MYO1E: variants seen among roughly 807,000 people sequenced by gnomAD.
MYO1E encodes the protein unconventional myosin-Ie.
In MYO1E, 68 loss-of-function variants were observed where a neutral mutation model predicts 151.1. That is an observed-to-expected ratio of 0.45 (90% CI 0.37 to 0.55). MYO1E has a LOEUF of 0.55. Ranked by LOEUF, MYO1E falls within the 20% of genes least tolerant of loss-of-function variation. The probability of loss-of-function intolerance (pLI) is 0.00; values close to 1 mark genes in which losing one functional copy is unlikely to be tolerated. For missense variants in MYO1E, 1,363 were observed against 1,389.3 expected, an observed-to-expected ratio of 0.98 and a Z score of 0.30; for synonymous variants, 601 against 501.7, an observed-to-expected ratio of 1.20 and a Z score of -2.64.
In MYO1E at chr15:59,203,166, G is replaced by T. The variant is rs993581137; in HGVS notation, c.1617-759C>A. On this transcript the variant is annotated intron_variant, in intron 15 of 27. Coordinates refer to ENST00000288235, the MANE Select transcript of MYO1E (RefSeq NM_004998.4). ...GAGTTTCTGAGTCTGGGCACCATTGGTATCTGCGGCTGAATAATTCTTTGT... is the reference window on the plus strand; with the variant it reads ...GAGTTTCTGAGTCTGGGCACCATTGTTATCTGCGGCTGAATAATTCTTTGT... 2.6e-5 allele frequency among the ~76,000 whole-genome samples: 4 copies of T among 152,310 alleles called. No individual in the cohort carries two copies. In the East Asian group the frequency reaches 7.7e-4, roughly 29 times the overall value.
intron 1 of MYO1E, among the ~76,000 whole-genome samples, chr15:59,367,278 A>G (rs943685149): frequency 2.0e-5 from 3 of 152,168 alleles, no homozygotes; most frequent in African/African-American, 7.2e-5. Context: ...CAGAGGCAAA[A>G]TGTTGTATTC....
intron 1 of MYO1E, among the ~76,000 whole-genome samples, chr15:59,361,670 C>A (rs2080886075): frequency 1.3e-5 from 2 of 152,136 alleles, no homozygotes; most frequent in Admixed American, 1.3e-4. Flanking sequence ...ATATGTACAA[C>A]TGCCTAGAAT....
chr15:59,208,665 T>C lies in MYO1E; in HGVS notation c.1530+16A>G. The C allele has an allele frequency of 6.2e-7, 1 of 1,614,132 alleles. No individual in the cohort carries two copies. The highest frequency in any genetic ancestry group is 8.5e-7 in the Non-Finnish European group (1 of 1,179,970). On this transcript the variant is annotated intron_variant, in intron 14 of 27. Transcript: ENST00000288235. ...GGCTTAAAACAGATAGACATTAAAA[T>C]GGATATTGGCCATACCTTCCCAGCA...
chr15:59,193,506 G>C (rs997533451), intron 17 of MYO1E, among the ~76,000 whole-genome samples: 1 of 152,170 alleles, frequency 6.6e-6, no homozygotes, highest in Admixed American at 6.5e-5. Context: ...GCCAAATTAA[G>C]TACCTCCAAG....
At chr15:59,227,430 G>A in intron 7 of MYO1E, 29 bp downstream of exon 7, 1 of 1,613,732 alleles carries the variant, frequency 6.2e-7, no homozygotes, top group Non-Finnish European at 8.5e-7. Context: ...GGGACAGGAA[G>A]TGGGTAGGAA....
At chr15:59,235,981 T>G (rs1264976030) in intron 5 of MYO1E, among the ~76,000 whole-genome samples, 1 of 152,208 alleles carries the variant, frequency 6.6e-6, no homozygotes, top group East Asian at 1.9e-4. Flanking sequence ...ATGAGTTGTC[T>G]TTCATGTCCT....
chr15:59,237,044 G>A (rs974425233), intron 4 of MYO1E, among the ~76,000 whole-genome samples: 2 of 151,950 alleles, frequency 1.3e-5, no homozygotes, highest in African/African-American at 4.8e-5. Context: ...ACAAGCAAAT[G>A]AAATCATGTT....
At chr15:59,243,643 C>T (rs1316101256) in intron 4 of MYO1E, among the ~76,000 whole-genome samples, 1 of 152,076 alleles carries the variant, frequency 6.6e-6, no homozygotes, top group African/African-American at 2.4e-5. Context: ...CAAGGTTTCA[C>T]AAAGGAACCC....
chr15:59,285,198 G>T (rs1230136815), intron 1 of MYO1E, among the ~76,000 whole-genome samples: 1 of 152,106 alleles, frequency 6.6e-6, no homozygotes, highest in South Asian at 2.1e-4. Context: ...CTTGGGCAAG[G>T]CCAGTTTCAC....
In MYO1E at chr15:59,202,406, G is replaced by A. The variant is rs372880204; in HGVS notation, c.1618C>T (p.Pro540Ser). 2 of 1,613,348 alleles carry A rather than the reference G, an allele frequency of 1.2e-6. No individual in the cohort carries two copies. The highest frequency in any genetic ancestry group is 4.5e-5 in the East Asian group (2 of 44,876). The change falls in exon 16 of 28, where the codon CCT (proline) becomes TCT (serine). Residue 540 changes from proline (P) to serine (S), a missense_variant and splice_region_variant. By Grantham distance (74) the Pro-to-Ser change is moderately conservative (BLOSUM62 -1). Transcript: ENST00000288235. ...LIELMQSSEL[P>S]FIKSLFPENL... ...TCCGGAAATAAAGACTTTATGAAAGGCCTGGAAAAGGAGAAAGAGAATGAA... is the reference window on the plus strand; with the variant it reads ...TCCGGAAATAAAGACTTTATGAAAGACCTGGAAAAGGAGAAAGAGAATGAA...
chr15:59,213,399 G>A (rs1404406062), intron 12 of MYO1E, among the ~76,000 whole-genome samples: 2 of 151,940 alleles, frequency 1.3e-5, no homozygotes, highest in Non-Finnish European at 2.9e-5. Context: ...TCGAATTCCT[G>A]ACCTCAAGTG....
intron 2 of MYO1E, among the ~76,000 whole-genome samples, chr15:59,269,831 C>T (rs1228184047): frequency 1.3e-5 from 2 of 150,682 alleles, no homozygotes; most frequent in African/African-American, 2.4e-5. Flanking sequence ...TTCAGCCTGG[C>T]GAGAGAGCAA....
At chr15:59,249,969 T>A (rs1422146677) in intron 4 of MYO1E, among the ~76,000 whole-genome samples, 1 of 151,858 alleles carries the variant, frequency 6.6e-6, no homozygotes, top group Non-Finnish European at 1.5e-5. Context: ...CCTTCACAGG[T>A]GAAAAAGCCA....
intron 7 of MYO1E, among the ~76,000 whole-genome samples, chr15:59,225,819 T>C (rs1453142578): frequency 6.6e-6 from 1 of 152,092 alleles, no homozygotes; most frequent in Non-Finnish European, 1.5e-5. Flanking sequence ...GCTAATTTTT[T>C]GTATTTTTAG....
chr15:59,268,437 C>A (rs1203940240), intron 2 of MYO1E, among the ~76,000 whole-genome samples: 1 of 152,140 alleles, frequency 6.6e-6, no homozygotes, highest in African/African-American at 2.4e-5. Flanking sequence ...TTCAAAGGCG[C>A]ATAAACAGCC....
chr15:59,318,274 C>T (rs1299104868), intron 1 of MYO1E, among the ~76,000 whole-genome samples: 2 of 152,132 alleles, frequency 1.3e-5, no homozygotes, highest in African/African-American at 4.8e-5. Flanking sequence ...CATGGAGGTC[C>T]CATCTTCCTA....
rs148174739 is a variant in MYO1E, at chr15:59,133,779, G to C, written c.*3601C>G. ...AAACCAGAATCCAGCCCTACTGCCA[G>C]TGAAATCTTAACTGGGACAACACCT... On this transcript the variant is annotated 3_prime_UTR_variant, in exon 28 of 28. Coordinates refer to ENST00000288235, the MANE Select transcript of MYO1E (RefSeq NM_004998.4). 6 of 152,378 alleles carry C rather than the reference G, an allele frequency of 3.9e-5. No homozygotes were observed. The highest frequency in any genetic ancestry group is 1.4e-4 in the African/African-American group (6 of 41,558). 9.4% of individuals were successfully genotyped at this position (152,378 alleles called of 1,614,324 possible). A position where few individuals can be genotyped will look rare whatever the true frequency, so the allele number is the denominator to read the frequency against.
At chr15:59,297,649 A>C (rs375844495) in intron 1 of MYO1E, among the ~76,000 whole-genome samples, 33 of 151,260 alleles carry the variant, frequency 2.2e-4, no homozygotes, top group African/African-American at 8.0e-4. Flanking sequence ...TGGTGCGATG[A>C]GGGCTCACTG....
At chr15:59,241,148 G>C (rs2080097212) in intron 4 of MYO1E, among the ~76,000 whole-genome samples, 1 of 152,140 alleles carries the variant, frequency 6.6e-6, no homozygotes, top group South Asian at 2.1e-4. Flanking sequence ...ATACATGTCA[G>C]GGGCTGGGAT....
Sources: gnomAD v4.1 joint callset for allele counts (sites outside exome capture counted in the v4.1 genomes callset) on GRCh38, gnomAD v4.1.1 for gene constraint, MANE v1.5 for transcripts, NCBI Gene and HGNC (gene_info 2026-07-23, HGNC 2026-07-21) for gene names.